Variants in PPP1R9A observed in about 807,000 individuals in gnomAD.
The protein encoded by PPP1R9A is protein phosphatase 1 regulatory subunit 9A.
PPP1R9A carries 59 observed loss-of-function variants against 141.9 expected under a neutral mutation model. The ratio of observed to expected loss-of-function variants is 0.42; its 90% CI spans 0.34 to 0.52. PPP1R9A has a LOEUF of 0.52. Among genes scored for constraint, PPP1R9A ranks in the 20% least tolerant of loss-of-function variants. The probability of loss-of-function intolerance (pLI) is 0.10; values close to 1 mark genes in which losing one functional copy is unlikely to be tolerated. For synonymous variants in PPP1R9A, 500 were observed against 569.7 expected, an observed-to-expected ratio of 0.88 and a Z score of 1.74; for missense variants, 1,444 against 1,611.9, an observed-to-expected ratio of 0.90 and a Z score of 1.78.
intron 5 of PPP1R9A, among the ~76,000 whole-genome samples, chr7:95,176,815 C>T (rs910046390): frequency 2.0e-5 from 3 of 151,902 alleles, no homozygotes; most frequent in Non-Finnish European, 4.4e-5. Context: ...CCAACAAAGA[C>T]AAAGAAAAAA....
At chr7:94,981,924 A>G (rs1320398524) in intron 2 of PPP1R9A, among the ~76,000 whole-genome samples, 3 of 151,948 alleles carry the variant, frequency 2.0e-5, no homozygotes, top group Admixed American at 2.0e-4. Context: ...TGCCGCACCC[A>G]TTAACTCATC....
chr7:95,277,089 A>G (rs28758276), intron 16 of PPP1R9A, among the ~76,000 whole-genome samples: 1 of 152,148 alleles, frequency 6.6e-6, no homozygotes, highest in South Asian at 2.1e-4. Flanking sequence ...AAAGGAGGGA[A>G]GGATCCTTGG....
rs1336301463 is a variant in PPP1R9A, at chr7:95,269,198, T to C, written c.2824-9T>C. 3.3e-6 allele frequency: 5 copies of C among 1,516,410 alleles called. No individual in the cohort carries two copies. The African/African-American group carries it at 4.1e-5, about 13-fold the overall frequency. The allele number at this position is 1,516,410 out of a possible 1,614,324, so 93.9% of individuals were successfully genotyped here. On this transcript the variant is annotated splice_polypyrimidine_tract_variant and intron_variant, in intron 13 of 19. Transcript: ENST00000433360. The stretch of plus-strand genomic sequence containing the variant: ...GCATAACCTTCCTTATAATCTCTTA[T>C]ACCAACAGCCATCAAACAGTTTCTA...
chr7:95,192,769 T>C (rs1315852333), intron 5 of PPP1R9A, among the ~76,000 whole-genome samples: 1 of 152,092 alleles, frequency 6.6e-6, no homozygotes, highest in Non-Finnish European at 1.5e-5. Flanking sequence ...TCCTAAGTTG[T>C]ACTATCATAG....
At chr7:95,097,988 G>T (rs553458639) in intron 2 of PPP1R9A, among the ~76,000 whole-genome samples, 1 of 152,358 alleles carries the variant, frequency 6.6e-6, no homozygotes, top group East Asian at 1.9e-4. Context: ...AGTTGAAGCT[G>T]CTGTCACAGG....
At position 95,247,506 on chromosome 7, in the gene PPP1R9A, A is replaced by G. The variant is rs1255653993; in HGVS notation, c.2146A>G (p.Ile716Val). 2.5e-6 allele frequency: 4 copies of G among 1,609,406 alleles called. No homozygotes were observed. Among genetic ancestry groups the G allele is most frequent in the East Asian group, 2.2e-5 (1 of 44,748 alleles). Residue 716 changes from isoleucine to valine, a missense_variant, in exon 9 of 20, where the codon ATT (isoleucine) becomes GTT (valine). Transcript: ENST00000433360. The stretch of plus-strand genomic sequence containing the variant: ...CAAACATGCAGTTACAGAAGCAGAG[A>G]TTCAAAAATTGAAGACCAAGGTAAG... ...QIKHAVTEAEIQKLKTKLQAA... is the reference protein window; with the variant it reads ...QIKHAVTEAEVQKLKTKLQAA...
chr7:95,190,638 C>A (rs1449924049), intron 5 of PPP1R9A, among the ~76,000 whole-genome samples: 1 of 152,188 alleles, frequency 6.6e-6, no homozygotes, highest in Non-Finnish European at 1.5e-5. Context: ...CTGTAATGTC[C>A]TAAGTTGGTC....
rs113738865 is a variant in PPP1R9A at position 95,044,715 on chromosome 7, A to AAT, written c.1396-66528_1396-66527dup. Among the ~76,000 whole-genome samples the AAT allele has an allele frequency of 1.7e-3, 235 of 142,334 alleles. 3 individuals are homozygous for AAT. The highest frequency in any genetic ancestry group is 0.015 in the East Asian group (73 of 4,980). The allele number at this position is 142,334 out of a possible 152,430, so 93.4% of individuals were successfully genotyped here. On this transcript the variant is annotated intron_variant, in intron 2 of 19. Coordinates refer to ENST00000433360, the MANE Select transcript of PPP1R9A (RefSeq NM_001166160.2). Reference sequence around the variant, plus strand: ...GTGAGCCACCACACCCAGCTAATTAAATATATATATATATATAATATATAT... The same window carrying AAT: ...GTGAGCCACCACACCCAGCTAATTAAATATATATATATATATATAATATATAT...
At chr7:95,077,013 A>T (rs779079093) in intron 2 of PPP1R9A, among the ~76,000 whole-genome samples, 1 of 151,754 alleles carries the variant, frequency 6.6e-6, no homozygotes, top group Non-Finnish European at 1.5e-5. Flanking sequence ...TCACAGAATG[A>T]TTCCTTTCAA....
chr7:95,200,441 A>T (rs79974602), intron 6 of PPP1R9A, among the ~76,000 whole-genome samples: 3 of 76,354 alleles, frequency 3.9e-5, no homozygotes, highest in African/African-American at 3.6e-5. Context: ...CCTGCTAATT[A>T]AAAAAAAAAA....
At chr7:94,963,673 C>G (rs114029801) in intron 2 of PPP1R9A, among the ~76,000 whole-genome samples, 2,095 of 152,216 alleles carry the variant, frequency 0.014, 52 homozygotes, top group African/African-American at 0.048. Context: ...TGTTGAGTTT[C>G]CCTTTTCAGA....
At chr7:95,074,403 A>C (rs1436510858) in intron 2 of PPP1R9A, among the ~76,000 whole-genome samples, 1 of 151,938 alleles carries the variant, frequency 6.6e-6, no homozygotes, top group Non-Finnish European at 1.5e-5. Flanking sequence ...TTGTGAAGTA[A>C]ATATATAGGA....
rs1040365417 is a variant in PPP1R9A, at chr7:95,173,222, G to A, written c.1754+11251G>A. On this transcript the variant is annotated intron_variant, in intron 5 of 19. Coordinates refer to ENST00000433360, the MANE Select transcript of PPP1R9A (RefSeq NM_001166160.2). ...CATATATAAATTGGAGCTAGACATG[G>A]GTATCCATGGACATACAGAGGGAAA... Among the ~76,000 whole-genome samples the A allele has an allele frequency of 2.0e-5, 3 of 151,714 alleles. No homozygotes were observed. In the South Asian group the frequency reaches 6.2e-4, roughly 31 times the overall value.
chr7:94,970,782 T>G (rs1459558730), intron 2 of PPP1R9A, among the ~76,000 whole-genome samples: 2 of 152,090 alleles, frequency 1.3e-5, no homozygotes, highest in East Asian at 1.9e-4. Flanking sequence ...ACTACTTAAT[T>G]TTACATTGTT....
At chr7:95,035,544 G>A (rs1346347259) in intron 2 of PPP1R9A, among the ~76,000 whole-genome samples, 1 of 152,036 alleles carries the variant, frequency 6.6e-6, no homozygotes, top group African/African-American at 2.4e-5. Context: ...ATTGGTTTTG[G>A]AATCAAGAAC....
chr7:95,033,739 A>G (rs1321065320), intron 2 of PPP1R9A, among the ~76,000 whole-genome samples: 1 of 151,928 alleles, frequency 6.6e-6, no homozygotes, highest in East Asian at 1.9e-4. Context: ...ATGGACATCT[A>G]GTGGTCTCAA....
chr7:95,023,456 T>C (rs1006148972), intron 2 of PPP1R9A, among the ~76,000 whole-genome samples: 6 of 152,130 alleles, frequency 3.9e-5, no homozygotes, highest in African/African-American at 1.4e-4. Context: ...TTTGAATGGT[T>C]TTTCATGTCT....
At chr7:95,083,898 A>T (rs1329178486) in intron 2 of PPP1R9A, among the ~76,000 whole-genome samples, 1 of 152,032 alleles carries the variant, frequency 6.6e-6, no homozygotes, top group African/African-American at 2.4e-5. Flanking sequence ...TGAAAACTAC[A>T]CCAAGTTGCA....
At chr7:94,996,035 T>A (rs1485612538) in intron 2 of PPP1R9A, among the ~76,000 whole-genome samples, 7 of 152,190 alleles carry the variant, frequency 4.6e-5, no homozygotes, top group Admixed American at 4.6e-4. Flanking sequence ...ATTATTTCAC[T>A]AGTGAGACAA....
Sources: allele counts gnomAD v4.1 joint callset (sites outside exome capture counted in the v4.1 genomes callset), GRCh38; gene constraint gnomAD v4.1.1; transcripts MANE v1.5; gene names NCBI Gene and HGNC (gene_info 2026-07-23, HGNC 2026-07-21).